USP16: variants seen among roughly 807,000 people sequenced by gnomAD.
The protein encoded by USP16 is ubiquitin carboxyl-terminal hydrolase 16.
USP16 carries 77 observed loss-of-function variants against 95.9 expected under a neutral mutation model. The ratio of observed to expected loss-of-function variants is 0.80; its 90% CI spans 0.67 to 0.97. USP16 has a LOEUF of 0.97. Ranked by LOEUF, USP16 falls within the 50% of genes least tolerant of loss-of-function variation. The pLI is 0.00. For synonymous variants in USP16, 303 were observed against 318.2 expected, an observed-to-expected ratio of 0.95 and a Z score of 0.51; for missense variants, 943 against 959.9, an observed-to-expected ratio of 0.98 and a Z score of 0.23.
Position 29,030,580 on chromosome 21 carries a change from T to C in USP16, c.62-15T>C, listed in dbSNP as rs2085062995. 1.9e-6 allele frequency: 3 copies of C among 1,549,078 alleles called. No homozygotes were observed. The East Asian group carries it at 6.9e-5, about 36-fold the overall frequency. On this transcript the variant is annotated splice_polypyrimidine_tract_variant and intron_variant, in intron 2 of 17. Transcript: ENST00000399976. The stretch of plus-strand genomic sequence containing the variant: ...TTGACCTTATATATTCCTTGTCTAT[T>C]ATTTGTTTTAATAGAACCTGTGTGC...
At position 29,039,139 on chromosome 21, in the gene USP16, T is replaced by TTC. The variant is rs2085206243; in HGVS notation, c.849_850dup (p.Gln284LeufsTer29). On this transcript the variant is annotated frameshift_variant, in exon 8 of 18. Coordinates refer to ENST00000399976, the MANE Select transcript of USP16 (RefSeq NM_006447.3). LOFTEE classifies it high-confidence loss of function. The stretch of plus-strand genomic sequence containing the variant: ...GGGTTGTGACACCGAAAGAACTCTT[T>TTC]TCTCAGGTCTGTAAAAAGTGAGTAT... The TTC allele has an allele frequency of 6.4e-7, 1 of 1,568,680 alleles. No individual in the cohort carries two copies. The highest frequency in any genetic ancestry group is 1.4e-5 in the African/African-American group (1 of 72,992).
intron 3 of USP16, among the ~76,000 whole-genome samples, 164 bp from the exon 4 acceptor site, chr21:29,034,673 T>G (rs376300038): frequency 3.9e-5 from 6 of 152,250 alleles, no homozygotes. Context: ...CCTGTGCATA[T>G]GTAAGTTTTA....
chr21:29,048,291 C>T (rs1402575614), intron 14 of USP16, among the ~76,000 whole-genome samples: 3 of 152,044 alleles, frequency 2.0e-5, no homozygotes, highest in African/African-American at 7.2e-5. Context: ...CCACGTTGGC[C>T]AGGGTGGTCT....
intron 17 of USP16, 37 bp downstream of exon 17, chr21:29,053,995 T>A (rs752735443): frequency 6.2e-7 from 1 of 1,613,100 alleles, no homozygotes. Flanking sequence ...CTCAGCAGAT[T>A]ACGGCAAAAC....
At chr21:29,034,013 T>G (rs2085115157) in intron 3 of USP16, among the ~76,000 whole-genome samples, 1 of 152,172 alleles carries the variant, frequency 6.6e-6, no homozygotes, top group Non-Finnish European at 1.5e-5. Context: ...CGTTGGTATG[T>G]GAATAAGAGA....
chr21:29,047,310 C>G lies in USP16; in HGVS notation c.2000C>G (p.Ala667Gly), dbSNP rs749061953. Residue 667 changes from alanine (A) to glycine (G), a missense_variant, in exon 14 of 18, where the codon GCA becomes GGA. Physicochemically the swap from Ala to Gly is moderately conservative, Grantham distance 60. Transcript: ENST00000399976. ...CGGAGACAGTGTAATGGACCAAAGG[C>G]AAATATAAAAGGTATTTTAATGCTC... ...CTRRQCNGPK[A>G]NIKGERKHVY... 6.2e-7 allele frequency: 1 copy of G among 1,604,702 alleles called. No homozygotes were observed. Among genetic ancestry groups the G allele is most frequent in the South Asian group, 1.1e-5 (1 of 89,350 alleles).
intron 3 of USP16, 53 bp from the exon 4 acceptor site, chr21:29,034,784 C>T (rs2085129257): frequency 8.5e-6 from 13 of 1,522,470 alleles, no homozygotes; most frequent in Non-Finnish European, 1.2e-5. Flanking sequence ...TATGCATTCT[C>T]CCCTCTTGCT....
intron 3 of USP16, among the ~76,000 whole-genome samples, chr21:29,031,078 C>T (rs1430866272): frequency 2.0e-5 from 3 of 152,176 alleles, no homozygotes; most frequent in Non-Finnish European, 4.4e-5. Context: ...GACCTTTCTA[C>T]CTGTGCATAG....
chr21:29,037,140 TA>T, intron 5 of USP16, 135 bp from the exon 6 acceptor site: 1 of 501,100 alleles, frequency 2.0e-6, no homozygotes, highest in Non-Finnish European at 3.2e-6. Context: ...TGTATCTATT[TA>T]AAATCAAATG....
rs1453938154 is a variant in USP16 at position 29,047,113 on chromosome 21, T to C, written c.1803T>C (p.Pro601=). Residue 601 remains proline, a synonymous_variant, in exon 14 of 18, where the codon CCT becomes CCC. Transcript: ENST00000399976. Reference sequence around the variant, plus strand: ...AGATTCTGAATGATAGTCATACTCCTGGAACAAAGGTGTATGAGGTTGTAA... The same window carrying C: ...AGATTCTGAATGATAGTCATACTCCCGGAACAAAGGTGTATGAGGTTGTAA... ...NIEILNDSHT[P]GTKVYEVVNE... is the part of the protein sequence containing the mutation. 2.5e-6 allele frequency: 4 copies of C among 1,614,094 alleles called. No homozygotes were observed. Among genetic ancestry groups the C allele is most frequent in the Non-Finnish European group, 3.4e-6 (4 of 1,180,016 alleles).
Position 29,047,247 on chromosome 21 carries a change from T to C in USP16, c.1937T>C (p.Leu646Pro). The C allele has an allele frequency of 6.2e-7, 1 of 1,614,170 alleles. No individual in the cohort carries two copies. Among genetic ancestry groups the C allele is most frequent in the Non-Finnish European group, 8.5e-7 (1 of 1,180,024 alleles). ...TATCAGTTCACCCGTAATGAGAAAC[T>C]TCGAGATGCGAATAAACTGCTTTGT... ...CLYQFTRNEKLRDANKLLCEV... is the reference protein window; with the variant it reads ...CLYQFTRNEKPRDANKLLCEV... Residue 646 changes from leucine to proline, a missense_variant, in exon 14 of 18, where the codon CTT becomes CCT. Leu to Pro is a moderately conservative substitution (Grantham distance 98). Coordinates refer to ENST00000399976, the MANE Select transcript of USP16 (RefSeq NM_006447.3).
intron 2 of USP16, among the ~76,000 whole-genome samples, chr21:29,029,419 A>C (rs2085045925): frequency 6.6e-6 from 1 of 152,264 alleles, no homozygotes; most frequent in South Asian, 2.1e-4. Context: ...TCTCAAAAAG[A>C]AAAAAGAAAA....
intron 3 of USP16, among the ~76,000 whole-genome samples, chr21:29,033,585 G>A (rs1332929417): frequency 1.3e-5 from 2 of 152,178 alleles, no homozygotes; most frequent in Non-Finnish European, 2.9e-5. Context: ...TTATGAATAA[G>A]CCTATACATC....
chr21:29,043,376 G>A, intron 12 of USP16, 47 bp from the exon 13 acceptor site: 4 of 1,278,706 alleles, frequency 3.1e-6, no homozygotes, highest in Non-Finnish European at 3.1e-6. Context: ...TTCACCAAAT[G>A]GTAGTTGTAA....
In USP16 at chr21:29,024,715, C is replaced by T; in HGVS notation, c.-104C>T. ...TCTCAATTCGTCACCAGGAGGAAGA[C>T]GGAGCTGGCTGCCCAGCCCAAAGGC... is the stretch of plus-strand genomic sequence containing the variant. On this transcript the variant is annotated 5_prime_UTR_variant, in exon 1 of 18. It adds an upstream start codon to the 5' untranslated region. Transcript: ENST00000399976. 2 of 1,289,388 alleles carry T rather than the reference C, an allele frequency of 1.6e-6. No homozygotes were observed. The highest frequency in any genetic ancestry group is 2.5e-5 in the South Asian group (2 of 81,036). 79.9% of individuals were successfully genotyped at this position (1,289,388 alleles called of 1,614,324 possible). A position where few individuals can be genotyped will look rare whatever the true frequency, so the allele number is the denominator to read the frequency against.
chr21:29,047,332 G>A lies in USP16; in HGVS notation c.2011+11G>A. 1 of 1,591,452 alleles carries A rather than the reference G, an allele frequency of 6.3e-7. No homozygotes were observed. Among genetic ancestry groups the A allele is most frequent in the South Asian group, 1.1e-5 (1 of 86,972 alleles). ...AGGCAAATATAAAAGGTATTTTAAT[G>A]CTCTCACTGTAAGTAAAATTAATAT... On this transcript the variant is annotated intron_variant, in intron 14 of 17. Coordinates refer to ENST00000399976, the MANE Select transcript of USP16 (RefSeq NM_006447.3).
At position 29,029,247 on chromosome 21, in the gene USP16, A is replaced by G. The variant is rs144614405; in HGVS notation, c.61+1273A>G. On this transcript the variant is annotated intron_variant, in intron 2 of 17. Transcript: ENST00000399976. ...GCTAACACGGTGAAACCCCGTCTCTACTAAACATACAAAAAATTAGCTGGG... is the reference window on the plus strand; with the variant it reads ...GCTAACACGGTGAAACCCCGTCTCTGCTAAACATACAAAAAATTAGCTGGG... Among the ~76,000 whole-genome samples the G allele has an allele frequency of 9.9e-3, 1,500 of 152,284 alleles. 22 individuals are homozygous for G. Among genetic ancestry groups the G allele is most frequent in the African/African-American group, 0.034 (1,412 of 41,560 alleles).
At chr21:29,029,776 TC>T (rs1453157174) in intron 2 of USP16, among the ~76,000 whole-genome samples, 3 of 152,196 alleles carry the variant, frequency 2.0e-5, no homozygotes, top group Admixed American at 1.3e-4. Context: ...TGCCCTTCAC[TC>T]CCTGAGGTCG....
At chr21:29,027,432 A>G (rs1389880233) in intron 1 of USP16, among the ~76,000 whole-genome samples, 3 of 152,212 alleles carry the variant, frequency 2.0e-5, no homozygotes, top group African/African-American at 7.2e-5. Context: ...TTTAATTTTT[A>G]TTAGAGAAAT....
Sources: allele counts gnomAD v4.1 joint callset (sites outside exome capture counted in the v4.1 genomes callset), GRCh38; gene constraint gnomAD v4.1.1; transcripts MANE v1.5; gene names NCBI Gene and HGNC (gene_info 2026-07-23, HGNC 2026-07-21).